ANKS1B: variants seen among roughly 807,000 people sequenced by gnomAD.
ANKS1B encodes ankyrin repeat and sterile alpha motif domain-containing protein 1B.
ANKS1B carries 36 observed loss-of-function variants against 148.3 expected under a neutral mutation model. That is an observed-to-expected ratio of 0.24 (90% CI 0.19 to 0.32). The LOEUF (loss-of-function observed/expected upper bound fraction) is 0.32, where lower values mean the gene tolerates loss of function less well. Ranked by LOEUF, ANKS1B falls within the 10% of genes least tolerant of loss-of-function variation. The probability of loss-of-function intolerance (pLI) is 1.00; values close to 1 mark genes in which losing one functional copy is unlikely to be tolerated. For synonymous variants in ANKS1B, 542 were observed against 560.8 expected, an observed-to-expected ratio of 0.97 and a Z score of 0.47; for missense variants, 1,157 against 1,542.6, an observed-to-expected ratio of 0.75 and a Z score of 4.19.
At chr12:99,046,529 G>A (rs2099962451) in intron 17 of ANKS1B, among the ~76,000 whole-genome samples, 1 of 151,750 alleles carries the variant, frequency 6.6e-6, no homozygotes, top group Non-Finnish European at 1.5e-5. Flanking sequence ...GCCGGGTGCG[G>A]TGGCTCATGC....
chr12:99,058,949 G>C lies in ANKS1B; in HGVS notation c.2626-5640C>G, dbSNP rs534595725. On this transcript the variant is annotated intron_variant, in intron 16 of 26. Coordinates refer to ENST00000683438, the MANE Select transcript of ANKS1B (RefSeq NM_001352186.2). ...AGACGGGGTTTCACCGTGTTAGCCA[G>C]GATGGTCTCGATCTCCTGACCTCGT... is the stretch of plus-strand genomic sequence containing the variant. 1.2e-3 allele frequency among the ~76,000 whole-genome samples: 180 copies of C among 151,504 alleles called. 1 individual carries two copies. The highest frequency in any genetic ancestry group is 4.3e-3 in the African/African-American group (176 of 41,314).
At position 99,666,118 on chromosome 12, in the gene ANKS1B, T is replaced by C. The variant is rs2098505507; in HGVS notation, c.1129-10908A>G. Among the ~76,000 whole-genome samples the C allele has an allele frequency of 3.9e-5, 6 of 152,214 alleles. 1 individual carries two copies. The South Asian group carries it at 1.0e-3, about 26-fold the overall frequency. ...GCCCTGCAGTTTTTTTGAAAATCAA[T>C]TGACCATACGTGTATGGGTTTATTT... On this transcript the variant is annotated intron_variant, in intron 8 of 26. Coordinates refer to ENST00000683438, the MANE Select transcript of ANKS1B (RefSeq NM_001352186.2).
intron 11 of ANKS1B, among the ~76,000 whole-genome samples, chr12:99,437,877 T>TC (rs1555431920): frequency 6.6e-6 from 1 of 151,918 alleles, no homozygotes; most frequent in Non-Finnish European, 1.5e-5. Context: ...AAAAGATTAG[T>TC]CTACAATCAG....
At chr12:99,385,239 CG>C (rs1567000333) in intron 12 of ANKS1B, among the ~76,000 whole-genome samples, 1 of 152,076 alleles carries the variant, frequency 6.6e-6, no homozygotes, top group Non-Finnish European at 1.5e-5. Context: ...GAGGCCGAGG[CG>C]GGTGGATCAT....
chr12:99,253,370 G>A (rs576274448), intron 12 of ANKS1B, among the ~76,000 whole-genome samples: 103 of 152,224 alleles, frequency 6.8e-4, no homozygotes, highest in Non-Finnish European at 1.3e-3. Flanking sequence ...GAACACTGAG[G>A]TAGTAGCAGG....
intron 12 of ANKS1B, among the ~76,000 whole-genome samples, chr12:99,348,390 T>TA (rs1385470904): frequency 1.3e-5 from 2 of 151,264 alleles, no homozygotes; most frequent in East Asian, 2.0e-4. Context: ...GACAAAAAAA[T>TA]AAAAAAACTA....
chr12:99,524,403 C>T (rs1268356814), intron 9 of ANKS1B, among the ~76,000 whole-genome samples: 1 of 152,064 alleles, frequency 6.6e-6, no homozygotes, highest in Admixed American at 6.5e-5. Context: ...GCAAAAGGAA[C>T]TTTGCAGATG....
chr12:99,505,373 G>C (rs1331303666), intron 9 of ANKS1B, among the ~76,000 whole-genome samples: 1 of 151,858 alleles, frequency 6.6e-6, no homozygotes, highest in Admixed American at 6.6e-5. Flanking sequence ...CTGTCATTTA[G>C]AGTTAAATGT....
chr12:99,354,182 T>C (rs910549547), intron 12 of ANKS1B, among the ~76,000 whole-genome samples: 3 of 152,096 alleles, frequency 2.0e-5, no homozygotes, highest in African/African-American at 4.8e-5. Flanking sequence ...AAGAGATCTT[T>C]AGTTATATAT....
chr12:99,562,524 C>T (rs754557890), intron 9 of ANKS1B, among the ~76,000 whole-genome samples: 2 of 152,164 alleles, frequency 1.3e-5, no homozygotes, highest in African/African-American at 2.4e-5. Context: ...CAAAGAACTG[C>T]CTGAGGCTGA....
intron 10 of ANKS1B, among the ~76,000 whole-genome samples, chr12:99,463,692 CA>C (rs1567151563): frequency 2.0e-5 from 3 of 152,198 alleles, no homozygotes; most frequent in African/African-American, 7.2e-5. Flanking sequence ...TGATTGCTAG[CA>C]CAGCAGTCTG....
chr12:99,613,712 G>C (rs1471117379), intron 9 of ANKS1B, among the ~76,000 whole-genome samples: 1 of 151,932 alleles, frequency 6.6e-6, no homozygotes, highest in Non-Finnish European at 1.5e-5. Context: ...GGGGGTAGAG[G>C]GTAGGAGGAG....
In ANKS1B at chr12:99,426,933, C is replaced by T. The variant is rs1353366945; in HGVS notation, c.1575+16740G>A. Among the ~76,000 whole-genome samples the T allele has an allele frequency of 5.3e-5, 8 of 152,162 alleles. No individual in the cohort carries two copies. The East Asian group carries it at 1.3e-3, about 26-fold the overall frequency. On this transcript the variant is annotated intron_variant, in intron 11 of 26. Coordinates refer to ENST00000683438, the MANE Select transcript of ANKS1B (RefSeq NM_001352186.2). ...CAGTAAATGGCATCGTGATTTTTCA[C>T]AGTGACTCAAGCCATAAATCTGGAC... is the stretch of plus-strand genomic sequence containing the variant.
intron 14 of ANKS1B, among the ~76,000 whole-genome samples, chr12:99,194,385 C>T (rs907688406): frequency 6.6e-6 from 1 of 151,924 alleles, no homozygotes; most frequent in Admixed American, 6.5e-5. Flanking sequence ...CTTTCCTTGA[C>T]ACAACTTTCT....
At chr12:99,905,229 T>A (rs190203177) in intron 1 of ANKS1B, among the ~76,000 whole-genome samples, 124 of 152,340 alleles carry the variant, frequency 8.1e-4, no homozygotes, top group African/African-American at 2.9e-3. Flanking sequence ...TGTGGCCATA[T>A]TAAGTGCCAT....
intron 10 of ANKS1B, among the ~76,000 whole-genome samples, chr12:99,463,697 C>T (rs1012017818): frequency 1.3e-5 from 2 of 152,214 alleles, no homozygotes; most frequent in Admixed American, 1.3e-4. Context: ...GCTAGCACAG[C>T]AGTCTGAGAT....
At chr12:99,805,263 CAAAAAA>C (rs58248573) in intron 4 of ANKS1B, among the ~76,000 whole-genome samples, 24 of 28,916 alleles carry the variant, frequency 8.3e-4, no homozygotes, top group Admixed American at 3.0e-3. Context: ...GAGGAAAAGG[CAAAAAA>C]AAAAAAAAAA....
At chr12:99,612,175 A>C (rs949049476) in intron 9 of ANKS1B, among the ~76,000 whole-genome samples, 23 of 152,138 alleles carry the variant, frequency 1.5e-4, no homozygotes, top group African/African-American at 5.5e-4. Context: ...ACGGGTTCAG[A>C]GACACAGAGC....
intron 9 of ANKS1B, among the ~76,000 whole-genome samples, chr12:99,550,797 T>TACA (rs750550203): frequency 2.0e-5 from 3 of 152,136 alleles, no homozygotes; most frequent in Admixed American, 2.0e-4. Context: ...CTAATTAAAA[T>TACA]ACAACAACAA....
Sources: gnomAD v4.1 joint callset for allele counts (sites outside exome capture counted in the v4.1 genomes callset) on GRCh38, gnomAD v4.1.1 for gene constraint, MANE v1.5 for transcripts, NCBI Gene and HGNC (gene_info 2026-07-23, HGNC 2026-07-21) for gene names.